Variants in ME1 observed in about 807,000 individuals in gnomAD.
The protein encoded by ME1 is NADP-dependent malic enzyme.
In ME1, 74 loss-of-function variants were observed where a neutral mutation model predicts 66.4. The observed-to-expected ratio is 1.11, with a 90% CI of 0.92 to 1.35. The LOEUF (loss-of-function observed/expected upper bound fraction) is 1.35. ME1 is among the 40% of genes most tolerant of loss of function. The probability of loss-of-function intolerance (pLI) is 0.00; values close to 1 mark genes in which losing one functional copy is unlikely to be tolerated. For synonymous variants in ME1, 251 were observed against 235.6 expected (o/e 1.07, Z -0.60); for missense variants, 750 against 694.1 (o/e 1.08, Z -0.90).
intron 10 of ME1, 113 bp from the exon 11 acceptor site, chr6:83,227,590 C>T: frequency 1.2e-6 from 1 of 865,804 alleles, no homozygotes; most frequent in Non-Finnish European, 1.7e-6. Flanking sequence ...AGACCCTAAA[C>T]AAAATGCTAT....
chr6:83,410,069 C>A (rs1029149990), intron 1 of ME1, among the ~76,000 whole-genome samples: 8 of 139,590 alleles, frequency 5.7e-5, no homozygotes, highest in African/African-American at 2.0e-4. Flanking sequence ...TCTTTGCTTG[C>A]CATTTACTTT....
At chr6:83,232,591 A>G (rs1296174770) in intron 9 of ME1, among the ~76,000 whole-genome samples, 1 of 152,224 alleles carries the variant, frequency 6.6e-6, no homozygotes, top group Non-Finnish European at 1.5e-5. Context: ...AAAAAGAGGG[A>G]GAAAACAATC....
chr6:83,319,258 C>T (rs1768106506), intron 5 of ME1, among the ~76,000 whole-genome samples: 2 of 151,062 alleles, frequency 1.3e-5, no homozygotes, highest in South Asian at 4.2e-4. Flanking sequence ...ATGTATGTAA[C>T]TAACCTGCAC....
intron 3 of ME1, among the ~76,000 whole-genome samples, chr6:83,360,704 G>A (rs113561795): frequency 0.023 from 3,435 of 152,290 alleles, 71 homozygotes; most frequent in Middle Eastern, 0.051. Flanking sequence ...CTTGAAAGAC[G>A]CAGGGGTGGT....
intron 6 of ME1, among the ~76,000 whole-genome samples, chr6:83,312,226 C>G (rs1373604536): frequency 6.6e-6 from 1 of 152,136 alleles, no homozygotes; most frequent in Non-Finnish European, 1.5e-5. Context: ...GACACTGATA[C>G]CTGGAGACTT....
At chr6:83,231,832 C>A (rs1284810722) in intron 9 of ME1, among the ~76,000 whole-genome samples, 1 of 151,972 alleles carries the variant, frequency 6.6e-6, no homozygotes, top group Non-Finnish European at 1.5e-5. Flanking sequence ...TATGATGCAT[C>A]TTTTCTCTCT....
At chr6:83,313,228 T>C (rs1314591150) in intron 6 of ME1, among the ~76,000 whole-genome samples, 1 of 152,224 alleles carries the variant, frequency 6.6e-6, no homozygotes, top group Non-Finnish European at 1.5e-5. Flanking sequence ...TCTAGATCAT[T>C]TTCCTGAAAC....
At chr6:83,267,537 T>A (rs1767009476) in intron 6 of ME1, among the ~76,000 whole-genome samples, 1 of 152,188 alleles carries the variant, frequency 6.6e-6, no homozygotes. Context: ...GCCTCTCTGA[T>A]GAAAAATGTC....
At chr6:83,427,309 T>C (rs925569971) in intron 1 of ME1, among the ~76,000 whole-genome samples, 1 of 152,228 alleles carries the variant, frequency 6.6e-6, no homozygotes, top group African/African-American at 2.4e-5. Context: ...ATGAAGATCC[T>C]AATTCTCTTA....
chr6:83,417,362 T>G (rs77488927), intron 1 of ME1, among the ~76,000 whole-genome samples: 1 of 137,628 alleles, frequency 7.3e-6, no homozygotes, highest in African/African-American at 2.8e-5. Context: ...ATGTTTTTTT[T>G]GTTGTTTTTT....
chr6:83,411,341 G>A (rs1048882986), intron 1 of ME1, among the ~76,000 whole-genome samples: 1 of 151,840 alleles, frequency 6.6e-6, no homozygotes, highest in African/African-American at 2.4e-5. Flanking sequence ...TCCAGCCTAG[G>A]TGACAGAGCA....
chr6:83,255,756 A>G (rs888833440), intron 6 of ME1, among the ~76,000 whole-genome samples: 7 of 152,026 alleles, frequency 4.6e-5, no homozygotes, highest in Non-Finnish European at 8.8e-5. Flanking sequence ...ATTTTATTCT[A>G]CTACTGCTGA....
At chr6:83,252,751 T>C (rs1790745937) in intron 7 of ME1, among the ~76,000 whole-genome samples, 2 of 152,020 alleles carry the variant, frequency 1.3e-5, no homozygotes, top group Non-Finnish European at 2.9e-5. Context: ...CATTTAAAAA[T>C]GAAGTGTTTT....
chr6:83,223,868 T>C lies in ME1; in HGVS notation c.1341A>G (p.Leu447=), dbSNP rs767569362. The change falls in exon 12 of 14, where the codon CTA becomes CTG. Residue 447 remains leucine (L), a synonymous_variant. Coordinates refer to ENST00000369705, the MANE Select transcript of ME1 (RefSeq NM_002395.6). The stretch of plus-strand genomic sequence containing the variant: ...AGGAATTGTTGCCTTGGCCAGGATA[T>C]AGGGTCTGTCCATTTGGAAGAGTGA... ...DPVTLPNGQT[L]YPGQGNNSYV... is the part of the protein sequence containing the mutation. 16 of 1,613,906 alleles carry C rather than the reference T, an allele frequency of 9.9e-6. No individual in the cohort carries two copies. Among genetic ancestry groups the C allele is most frequent in the Non-Finnish European group, 1.4e-5 (16 of 1,179,966 alleles).
chr6:83,328,129 T>C (rs533490797), intron 5 of ME1, among the ~76,000 whole-genome samples: 6 of 152,338 alleles, frequency 3.9e-5, no homozygotes, highest in African/African-American at 1.2e-4. Context: ...TGGAATACTA[T>C]GTAGCCATAT....
rs9449599 is a variant in ME1 at position 83,237,406 on chromosome 6, G to A, written c.1026+311C>T. Among the ~76,000 whole-genome samples the A allele has an allele frequency of 4.4e-4, 40 of 91,268 alleles. 1 individual carries two copies. The highest frequency in any genetic ancestry group is 2.7e-3 in the East Asian group (11 of 4,080). 59.9% of individuals were successfully genotyped at this position (91,268 alleles called of 152,430 possible). A position where few individuals can be genotyped will look rare whatever the true frequency, so the allele number is the denominator to read the frequency against. ...GAAAGGAAGGAAGGAAGGAAAGAAA[G>A]AAAAAGAAAGAAAGAAAGAGAAAGG... is the stretch of plus-strand genomic sequence containing the variant. On this transcript the variant is annotated intron_variant, in intron 9 of 13. Transcript: ENST00000369705.
rs117613991 is a variant in ME1 at position 83,391,208 on chromosome 6, T to C, written c.362+7159A>G. Among the ~76,000 whole-genome samples the C allele has an allele frequency of 2.1e-3, 319 of 152,192 alleles. 7 individuals are homozygous for C. Among genetic ancestry groups the C allele is most frequent in the East Asian group, 0.02 (104 of 5,184 alleles). ...CGGCAGGCTGTAGTATTACTCCCAATTTACAGATGAGGAAACCGAAGCACA... is the reference window on the plus strand; with the variant it reads ...CGGCAGGCTGTAGTATTACTCCCAACTTACAGATGAGGAAACCGAAGCACA... On this transcript the variant is annotated intron_variant, in intron 3 of 13. Coordinates refer to ENST00000369705, the MANE Select transcript of ME1 (RefSeq NM_002395.6).
chr6:83,251,453 C>T (rs567279568), intron 7 of ME1, among the ~76,000 whole-genome samples: 106 of 151,876 alleles, frequency 7.0e-4, no homozygotes, highest in African/African-American at 2.5e-3. Context: ...AAGATTGCAC[C>T]ACTGCACTCC....
At chr6:83,409,297 A>G (rs564890881) in intron 1 of ME1, among the ~76,000 whole-genome samples, 28 of 152,200 alleles carry the variant, frequency 1.8e-4, no homozygotes, top group Admixed American at 5.9e-4. Context: ...TCTCTAATCA[A>G]CCTGGATAGG....
Sources: allele counts gnomAD v4.1 joint callset (sites outside exome capture counted in the v4.1 genomes callset), GRCh38; gene constraint gnomAD v4.1.1; transcripts MANE v1.5; gene names NCBI Gene and HGNC (gene_info 2026-07-23, HGNC 2026-07-21).